The following LYRM4 variants were observed in gnomAD, a reference collection of about 807,000 sequenced individuals.
The protein encoded by LYRM4 is LYR motif-containing protein 4.
A neutral mutation model predicts 11.7 loss-of-function variants in LYRM4; 9 were observed. The ratio of observed to expected loss-of-function variants is 0.77; its 90% CI spans 0.46 to 1.34. The LOEUF (loss-of-function observed/expected upper bound fraction) is 1.34. Ranked by LOEUF, LYRM4 falls within the 40% of genes most tolerant of loss-of-function variation. The probability of loss-of-function intolerance (pLI) is 0.00; values close to 1 mark genes in which losing one functional copy is unlikely to be tolerated. For missense variants in LYRM4, 133 were observed against 112.5 expected, an observed-to-expected ratio of 1.18 and a Z score of -0.82; for synonymous variants, 42 against 40.4, an observed-to-expected ratio of 1.04 and a Z score of -0.15.
chr6:5,255,121 C>T (rs535964783), intron 1 of LYRM4, among the ~76,000 whole-genome samples: 1 of 152,310 alleles, frequency 6.6e-6, no homozygotes, highest in East Asian at 1.9e-4. Context: ...ACTTCTGCAA[C>T]ACTACTCTTT....
At chr6:5,200,947 T>C (rs748521380) in intron 2 of LYRM4, among the ~76,000 whole-genome samples, 2 of 152,248 alleles carry the variant, frequency 1.3e-5, no homozygotes, top group African/African-American at 4.8e-5. Context: ...TAATACCGTG[T>C]AAAACAGAAA....
the LYRM4 span, among the ~76,000 whole-genome samples, chr6:5,057,808 G>A: frequency 1.3e-5 from 2 of 151,538 alleles, no homozygotes; most frequent in Non-Finnish European, 2.9e-5. Context: ...TGTCACCCAG[G>A]CGGAGTGCAG....
At chr6:5,124,567 C>T (rs1459610347) in intron 2 of LYRM4, among the ~76,000 whole-genome samples, 2 of 151,980 alleles carry the variant, frequency 1.3e-5, no homozygotes, top group Admixed American at 6.6e-5. Flanking sequence ...GATCTCCAAG[C>T]GACAATCACC....
the LYRM4 span, among the ~76,000 whole-genome samples, chr6:5,067,810 TC>T: frequency 6.6e-6 from 1 of 152,152 alleles, no homozygotes; most frequent in Admixed American, 6.5e-5. Flanking sequence ...TTAAAACAAA[TC>T]CCATGCCAGT....
chr6:5,132,253 C>A (rs563875544), intron 2 of LYRM4, among the ~76,000 whole-genome samples: 1 of 152,274 alleles, frequency 6.6e-6, no homozygotes, highest in African/African-American at 2.4e-5. Flanking sequence ...ACCGTTTTTA[C>A]CCTTGTCCTA....
At chr6:5,099,086 A>G (rs1481110935), downstream of LYRM4, among the ~76,000 whole-genome samples, 1 of 152,054 alleles carries the variant, frequency 6.6e-6, no homozygotes, top group African/African-American at 2.4e-5. This position sits in a 1 kb window ranked among gnomAD's most constrained non-coding sequence, Gnocchi z 4.3. Context: ...TGGGTGGGTC[A>G]CGGCTTTCTT....
At chr6:5,189,858 G>A (rs1561859159) in intron 2 of LYRM4, among the ~76,000 whole-genome samples, 1 of 152,204 alleles carries the variant, frequency 6.6e-6, no homozygotes, top group Non-Finnish European at 1.5e-5. Context: ...GTACTACTGT[G>A]TTCAAGAAAT....
Position 5,216,718 on chromosome 6 carries a change from A to T in LYRM4, c.107T>A (p.Ile36Lys). ...YNYRTYAVRRIRDAFRENKNV... is the reference protein window; with the variant it reads ...YNYRTYAVRRKRDAFRENKNV... ...TTTATTTTCTCTGAAGGCATCTCTT[A>T]TCCTCCTGACAGCATATGTTCTAAA... The change falls in exon 2 of 3, where the codon ATA becomes AAA. Residue 36 changes from isoleucine (I) to lysine (K), a missense_variant. Transcript: ENST00000330636. The T allele has an allele frequency of 6.2e-7, 1 of 1,613,482 alleles. No homozygotes were observed. The highest frequency in any genetic ancestry group is 8.5e-7 in the Non-Finnish European group (1 of 1,179,982).
intron 2 of LYRM4, among the ~76,000 whole-genome samples, chr6:5,113,669 G>A (rs1186172604): frequency 6.6e-6 from 1 of 151,966 alleles, no homozygotes; most frequent in African/African-American, 2.4e-5. Context: ...TCTCTGTCCA[G>A]TGCTTTCTCC....
intron 2 of LYRM4, among the ~76,000 whole-genome samples, chr6:5,175,944 C>A (rs1759690120): frequency 6.6e-6 from 1 of 152,180 alleles, no homozygotes; most frequent in African/African-American, 2.4e-5. Flanking sequence ...CAAACCCCAG[C>A]CATTTGAGTA....
the LYRM4 span, among the ~76,000 whole-genome samples, chr6:5,080,792 A>T: frequency 5.7e-4 from 87 of 152,176 alleles, no homozygotes; most frequent in African/African-American, 2.0e-3. Flanking sequence ...TCTGTTTTCA[A>T]TGCAAAGGGG....
chr6:5,195,157 G>A (rs1410143581), intron 2 of LYRM4, among the ~76,000 whole-genome samples: 1 of 152,162 alleles, frequency 6.6e-6, no homozygotes, highest in Non-Finnish European at 1.5e-5. Context: ...GCAGCTCACA[G>A]GACGGCCCTG....
chr6:5,144,357 G>T, intron 2 of LYRM4: 1 of 1,411,738 alleles, frequency 7.1e-7, no homozygotes, highest in Non-Finnish European at 9.6e-7. Flanking sequence ...GTCAGGTGAG[G>T]CCGGGTGCGG....
the LYRM4 span, among the ~76,000 whole-genome samples, chr6:5,036,303 A>G: frequency 6.6e-6 from 1 of 152,132 alleles, no homozygotes; most frequent in African/African-American, 2.4e-5. Flanking sequence ...CTTAATTTAC[A>G]CGTGTGTTAA....
the LYRM4 span, chr6:5,054,045 A>G: frequency 1.3e-6 from 1 of 789,346 alleles, no homozygotes; most frequent in African/African-American, 1.9e-5. Flanking sequence ...TTTACAGGGT[A>G]CACAATGTTT....
At chr6:5,083,900 T>C in the LYRM4 span, among the ~76,000 whole-genome samples, 16 of 152,206 alleles carry the variant, frequency 1.1e-4, no homozygotes, top group African/African-American at 1.9e-4. Context: ...TAGGTTTAAA[T>C]ACGGTCCCCA....
At chr6:5,260,539 C>A in intron 1 of LYRM4, 109 bp downstream of exon 1, 1 of 1,436,906 alleles carries the variant, frequency 7.0e-7, no homozygotes, top group Non-Finnish European at 9.3e-7. Flanking sequence ...TCGCAGCCGC[C>A]GGCAAACCAC....
rs376351542 is a variant in LYRM4 at position 5,109,383 on chromosome 6, G to A, written c.*40C>T. On this transcript the variant is annotated 3_prime_UTR_variant, in exon 3 of 3. Transcript: ENST00000330636. ...TCTCAAACAGAGAGTGGATGCTGAA[G>A]GTGGTCCCTGGCCGCCACTGGTGGC... 7.4e-5 allele frequency: 119 copies of A among 1,613,350 alleles called. No homozygotes were observed. The African/African-American group carries it at 1.5e-3, about 20-fold the overall frequency.
chr6:5,182,901 A>G (rs924193604), intron 2 of LYRM4, among the ~76,000 whole-genome samples: 1 of 152,258 alleles, frequency 6.6e-6, no homozygotes, highest in Admixed American at 6.5e-5. Flanking sequence ...TATGTTATAG[A>G]GAATTTTTTA....
Sources: allele counts gnomAD v4.1 joint callset (sites outside exome capture counted in the v4.1 genomes callset), GRCh38; gene constraint gnomAD v4.1.1; non-coding constraint Gnocchi (gnomAD v3.1); transcripts MANE v1.5; gene names NCBI Gene and HGNC (gene_info 2026-07-23, HGNC 2026-07-21).